The following HYDIN variants were observed in gnomAD, a reference collection of about 807,000 sequenced individuals.
HYDIN encodes the protein HYDIN axonemal central pair apparatus protein, also known as axonemal central pair apparatus protein HYDIN.
In HYDIN, 132 loss-of-function variants were observed where a neutral mutation model predicts 403.9. The ratio of observed to expected loss-of-function variants is 0.33; its 90% confidence interval spans 0.28 to 0.38. HYDIN has a LOEUF of 0.38. Among genes scored for constraint, HYDIN ranks in the 10% least tolerant of loss-of-function variants. The probability of loss-of-function intolerance (pLI) is 1.00; values close to 1 mark genes in which losing one functional copy is unlikely to be tolerated. For synonymous variants in HYDIN, 1,202 were observed against 1,891.7 expected (o/e 0.64, Z 9.46); for missense variants, 2,827 against 5,009.5 (o/e 0.56, Z 13.15).
chr16:71,100,270 A>G (rs1469727050), intron 10 of HYDIN, among the ~76,000 whole-genome samples: 2 of 151,820 alleles, frequency 1.3e-5, no homozygotes, highest in East Asian at 3.8e-4. Context: ...ACTAGACTAT[A>G]TTCTTGAAAA....
At chr16:71,014,525 G>A (rs1174472918) in intron 23 of HYDIN, among the ~76,000 whole-genome samples, 1 of 151,758 alleles carries the variant, frequency 6.6e-6, no homozygotes, top group East Asian at 2.0e-4. Flanking sequence ...CATGATGAGT[G>A]CATCACCCTC....
intron 10 of HYDIN, among the ~76,000 whole-genome samples, chr16:71,098,223 A>C (rs1206042793): frequency 7.3e-6 from 1 of 136,270 alleles, no homozygotes; most frequent in African/African-American, 2.8e-5. Context: ...TTTTTTTGAG[A>C]TGGAGTCTCG....
chr16:70,895,920 G>A, intron 54 of HYDIN, 61 bp downstream of exon 54: 1 of 1,528,216 alleles, frequency 6.5e-7, no homozygotes, highest in Non-Finnish European at 8.8e-7. Flanking sequence ...TCTCTACACA[G>A]AAATACACTA....
chr16:71,043,198 T>C (rs888169987), intron 18 of HYDIN, among the ~76,000 whole-genome samples: 15 of 150,914 alleles, frequency 9.9e-5, no homozygotes, highest in African/African-American at 3.6e-4. Flanking sequence ...CATGATTTTT[T>C]TTTAATCTGG....
chr16:71,220,199 T>C (rs1458049013), intron 1 of HYDIN, among the ~76,000 whole-genome samples: 1 of 152,224 alleles, frequency 6.6e-6, no homozygotes, highest in Admixed American at 6.5e-5. Context: ...TATGAGTTTC[T>C]TTCAAACCTG....
intron 77 of HYDIN, among the ~76,000 whole-genome samples, chr16:70,836,870 T>C (rs1360278998): frequency 6.6e-6 from 1 of 152,136 alleles, no homozygotes; most frequent in Non-Finnish European, 1.5e-5. Context: ...GAAAGACCAA[T>C]AGGAAAATGA....
At chr16:71,192,875 T>C (rs2087505190) in intron 1 of HYDIN, among the ~76,000 whole-genome samples, 1 of 152,216 alleles carries the variant, frequency 6.6e-6, no homozygotes, top group South Asian at 2.1e-4. Flanking sequence ...TCCATCATAA[T>C]GACTTTTCCC....
At chr16:70,991,236 G>T in intron 25 of HYDIN, 82 bp downstream of exon 25, 1 of 1,573,410 alleles carries the variant, frequency 6.4e-7, no homozygotes, top group Non-Finnish European at 8.7e-7. Flanking sequence ...CATTGTACTG[G>T]CCACTCTGCT....
chr16:70,810,094 GT>G (rs2035373036), intron 84 of HYDIN, 87 bp from the exon 85 acceptor site: 1 of 1,247,526 alleles, frequency 8.0e-7, no homozygotes, highest in East Asian at 2.3e-5. Context: ...TCCATAGCAG[GT>G]TGGGGGCAGA....
At chr16:71,032,714 C>T (rs1368028519) in intron 18 of HYDIN, among the ~76,000 whole-genome samples, 1 of 88,752 alleles carries the variant, frequency 1.1e-5, no homozygotes, top group Non-Finnish European at 2.4e-5. Flanking sequence ...ATTTGTATTT[C>T]TCAACCTGTC....
At position 70,992,183 on chromosome 16, in the gene HYDIN, G is replaced by A. The variant is rs1401846311; in HGVS notation, c.3672C>T (p.Tyr1224=). 5 of 1,602,648 alleles carry A rather than the reference G, an allele frequency of 3.1e-6. No homozygotes were observed. The Admixed American group carries it at 7.0e-5, about 22-fold the overall frequency. Residue 1224 remains tyrosine (Y), a synonymous_variant, in exon 24 of 86, where the codon TAC becomes TAT. Transcript: ENST00000393567. ...ACTCCATCTGGGACACTGGGGCACT[G>A]TAGGGCTTCTTCGGCAATGTCACAA... The part of the protein sequence containing the change: ...IRFVTLPKKP[Y]SAPVSQMESI...
chr16:71,166,071 C>G (rs1192102446), intron 5 of HYDIN, among the ~76,000 whole-genome samples: 1 of 148,428 alleles, frequency 6.7e-6, no homozygotes, highest in African/African-American at 2.5e-5. Flanking sequence ...AAGAGGGAGG[C>G]CAGTTAGGAA....
At position 70,807,759 on chromosome 16, in the gene HYDIN, T is replaced by C; in HGVS notation, c.15187A>G (p.Ile5063Val). ...GGCCGCACAGACTCTCCAGCGCGAA[T>C]GGTGAAGGCTGGGTTATCCACGATG... ...SIIVDNPAFT[I>V]RAGESVRPKK... Residue 5063 changes from isoleucine to valine, a missense_variant, in exon 86 of 86, where the codon ATT becomes GTT. By Grantham distance (29) the Ile-to-Val change is conservative (BLOSUM62 3). Coordinates refer to ENST00000393567, the MANE Select transcript of HYDIN (RefSeq NM_001270974.2). 1.9e-6 allele frequency: 3 copies of C among 1,614,192 alleles called. No homozygotes were observed. Among genetic ancestry groups the C allele is most frequent in the Non-Finnish European group, 1.7e-6 (2 of 1,180,026 alleles).
intron 9 of HYDIN, among the ~76,000 whole-genome samples, chr16:71,119,925 AT>A (rs1568183502): frequency 3.9e-5 from 6 of 151,968 alleles, no homozygotes. Flanking sequence ...ATTCCATGTC[AT>A]TTATGTCTCT....
intron 10 of HYDIN, among the ~76,000 whole-genome samples, chr16:71,111,084 A>AG (rs1326337169): frequency 3.2e-5 from 1 of 30,926 alleles, no homozygotes; most frequent in Admixed American, 5.4e-4. Context: ...ATTATGGGCA[A>AG]TTCAGAGAAC....
At chr16:70,913,476 T>G (rs2076752542) in intron 47 of HYDIN, among the ~76,000 whole-genome samples, 1 of 148,988 alleles carries the variant, frequency 6.7e-6, no homozygotes, top group African/African-American at 2.5e-5. Flanking sequence ...TTTATTCCAC[T>G]GTGGTCTGAG....
intron 1 of HYDIN, among the ~76,000 whole-genome samples, chr16:71,227,206 G>T (rs901148014): frequency 1.3e-5 from 2 of 151,686 alleles, no homozygotes; most frequent in African/African-American, 4.8e-5. Context: ...GATACAAACA[G>T]AAACTTCACC....
intron 78 of HYDIN, among the ~76,000 whole-genome samples, chr16:70,835,245 C>T (rs1439509266): frequency 3.3e-5 from 5 of 152,018 alleles, no homozygotes; most frequent in African/African-American, 9.6e-5. Context: ...ATCCACCTGC[C>T]TCAGCCTCCC....
At chr16:71,015,408 AT>A (rs373533780) in intron 23 of HYDIN, among the ~76,000 whole-genome samples, 2 of 149,798 alleles carry the variant, frequency 1.3e-5, no homozygotes, top group Non-Finnish European at 2.9e-5. Flanking sequence ...AAATAAAAAA[AT>A]AAATGAAGCA....
Sources: gnomAD v4.1 joint callset for allele counts (sites outside exome capture counted in the v4.1 genomes callset) on GRCh38, gnomAD v4.1.1 for gene constraint, MANE v1.5 for transcripts, NCBI Gene and HGNC (gene_info 2026-07-23, HGNC 2026-07-21) for gene names.